NEK2: variants seen among roughly 807,000 people sequenced by gnomAD.
NEK2 encodes NIMA related kinase 2, also known as serine/threonine-protein kinase Nek2.
In NEK2, 28 loss-of-function variants were observed where a neutral mutation model predicts 54.1. The ratio of observed to expected loss-of-function variants is 0.52; its 90% CI spans 0.38 to 0.71. The LOEUF is 0.71. NEK2 is among the 30% of genes least tolerant of loss of function. The pLI is 0.00. For missense variants in NEK2, 407 were observed against 531.5 expected (o/e 0.77, Z 2.30); for synonymous variants, 176 against 193.1 (o/e 0.91, Z 0.73).
At chr1:211,671,445 T>G (rs1226759486) in intron 3 of NEK2, among the ~76,000 whole-genome samples, 161 bp from the exon 4 acceptor site, 1 of 152,248 alleles carries the variant, frequency 6.6e-6, no homozygotes, top group East Asian at 1.9e-4. Flanking sequence ...GGCAATGATC[T>G]TGTTCCAATA....
chr1:211,659,626 T>C (rs1050807075), downstream of NEK2, among the ~76,000 whole-genome samples: 2 of 152,228 alleles, frequency 1.3e-5, no homozygotes, highest in Non-Finnish European at 2.9e-5. Context: ...GTGTATTTTC[T>C]TATCCTACCA....
rs750802042 is a variant in NEK2, at chr1:211,669,126, T to C, written c.972A>G (p.Glu324=). 12 of 1,613,726 alleles carry C rather than the reference T, an allele frequency of 7.4e-6. No individual in the cohort carries two copies. Among genetic ancestry groups the C allele is most frequent in the Non-Finnish European group, 9.3e-6 (11 of 1,179,824 alleles). ...ATTCAGACTTACGCTCCAATCTTTC[T>C]TCTCTTGCTTTGAGAGCTCGCTCTC... The part of the protein sequence containing the change: ...QERERALKAR[E]ERLEQKEQEL... Residue 324 remains glutamate, a synonymous_variant, in exon 6 of 8, where the codon GAA becomes GAG. Transcript: ENST00000366999.
Position 211,663,154 on chromosome 1 carries a change from G to C in NEK2, c.*272C>G. 8.4e-7 allele frequency: 1 copy of C among 1,188,392 alleles called. No individual in the cohort carries two copies. Among genetic ancestry groups the C allele is most frequent in the Non-Finnish European group, 1.0e-6 (1 of 957,910 alleles). The allele number at this position is 1,188,392 out of a possible 1,614,324, so 73.6% of individuals were successfully genotyped here. The stretch of plus-strand genomic sequence containing the variant: ...CAAGATTTAGAATGTCACATCTCAT[G>C]TTCCTACTAGTAATCACACACAGGA... On this transcript the variant is annotated 3_prime_UTR_variant, in exon 8 of 8. Coordinates refer to ENST00000366999, the MANE Select transcript of NEK2 (RefSeq NM_002497.4).
At chr1:211,659,166 T>C (rs1245389969), downstream of NEK2, among the ~76,000 whole-genome samples, 1 of 148,266 alleles carries the variant, frequency 6.7e-6, no homozygotes, top group Non-Finnish European at 1.5e-5. Flanking sequence ...TTATATAGCA[T>C]AGCAAATTGT....
In NEK2 at chr1:211,675,302, GT is replaced by G; in HGVS notation, c.96+81del. On this transcript the variant is annotated intron_variant, in intron 1 of 7. Transcript: ENST00000366999. ...GGCACCCATTTCCTCAGCCCTGTCG[GT>G]TCCCTTCGGTGGCGCAGGGCGCTCG... The G allele has an allele frequency of 1.2e-5, 15 of 1,266,964 alleles. No individual in the cohort carries two copies. In the South Asian group the frequency reaches 1.9e-4, roughly 16 times the overall value. The allele number at this position is 1,266,964 out of a possible 1,614,324, so 78.5% of individuals were successfully genotyped here.
At chr1:211,661,624 C>T (rs906916755), downstream of NEK2, among the ~76,000 whole-genome samples, 1 of 152,144 alleles carries the variant, frequency 6.6e-6, no homozygotes, top group African/African-American at 2.4e-5. Flanking sequence ...TTGAAAGTGC[C>T]GTCCACTAGC....
downstream of NEK2, among the ~76,000 whole-genome samples, chr1:211,662,114 C>T (rs1200590201): frequency 3.3e-5 from 5 of 152,180 alleles, no homozygotes; most frequent in South Asian, 4.1e-4. This position sits in a 1 kb window ranked among gnomAD's most constrained non-coding sequence, Gnocchi z 4.2. Flanking sequence ...AACAAGTTCA[C>T]CCCTTATCAA....
rs1322163970 is a variant in NEK2, at chr1:211,670,499, T to G, written c.639-92A>C. The G allele has an allele frequency of 2.2e-6, 3 of 1,364,726 alleles. No individual in the cohort carries two copies. In the East Asian group the frequency reaches 6.9e-5, roughly 32 times the overall value. 84.5% of individuals were successfully genotyped at this position (1,364,726 alleles called of 1,614,324 possible). A position where few individuals can be genotyped will look rare whatever the true frequency, so the allele number is the denominator to read the frequency against. ...TAGGAACTAAATCAAAAGCACAGCT[T>G]AAGCTCCAGTTTGTATTTAAGTTTC... is the stretch of plus-strand genomic sequence containing the variant. On this transcript the variant is annotated intron_variant, in intron 4 of 7. Coordinates refer to ENST00000366999, the MANE Select transcript of NEK2 (RefSeq NM_002497.4).
At chr1:211,662,735 C>T (rs1655050793), downstream of NEK2, 37 of 953,156 alleles carry the variant, frequency 3.9e-5, no homozygotes, top group Non-Finnish European at 4.6e-5. The surrounding 1 kb of genome is among the most constrained non-coding windows in gnomAD (Gnocchi z 4.2). Context: ...ACACAACTCC[C>T]ATCAACTAAG....
downstream of NEK2, chr1:211,660,957 G>A (rs192368948): frequency 5.4e-6 from 4 of 746,814 alleles, no homozygotes; most frequent in African/African-American, 6.9e-5. Context: ...CTACCACGAG[G>A]AAGAAAGCTT....
At chr1:211,670,005 G>A (rs534086045) in intron 5 of NEK2, among the ~76,000 whole-genome samples, 24 of 152,256 alleles carry the variant, frequency 1.6e-4, no homozygotes, top group African/African-American at 5.5e-4. Context: ...CAAGGGGAAC[G>A]AGAATTTGAA....
intron 3 of NEK2, among the ~76,000 whole-genome samples, chr1:211,672,369 C>T (rs1036010685): frequency 2.0e-5 from 3 of 152,118 alleles, no homozygotes; most frequent in African/African-American, 7.2e-5. Context: ...CAAAGATATG[C>T]AGAGCAGTAC....
At chr1:211,660,085 C>T (rs978033140), downstream of NEK2, 1 of 171,978 alleles carries the variant, frequency 5.8e-6, no homozygotes, top group African/African-American at 2.4e-5. Flanking sequence ...GGCCACCACG[C>T]CCAGCTGGAA....
Position 211,671,272 on chromosome 1 carries a change from G to T in NEK2, c.568C>A (p.Arg190Ser). ...PYYMSPEQMN[R>S]MSYNEKSDIW... ...TCTGATTTCTCATTGTAGGACATGC[G>T]ATTCATTTGTTCCTATACAGGGAAA... Residue 190 changes from arginine (R) to serine (S), a missense_variant, in exon 4 of 8, where the codon CGC (arginine) becomes AGC (serine). Transcript: ENST00000366999. The T allele has an allele frequency of 6.2e-7, 1 of 1,612,848 alleles. No individual in the cohort carries two copies. The highest frequency in any genetic ancestry group is 1.1e-5 in the South Asian group (1 of 91,038).
chr1:211,662,673 A>G, downstream of NEK2: 1 of 527,556 alleles, frequency 1.9e-6, no homozygotes, highest in African/African-American at 2.1e-5. The surrounding 1 kb of genome is among the most constrained non-coding windows in gnomAD (Gnocchi z 4.2). Context: ...TCCCTTGAGC[A>G]TCAGATCCAT....
At chr1:211,658,754 G>GAAAAA (rs146064437), downstream of NEK2, 5 of 164,040 alleles carry the variant, frequency 3.0e-5, no homozygotes, top group African/African-American at 6.5e-5. Flanking sequence ...AAAAAGGAAA[G>GAAAAA]AAAAAAAAAG....
downstream of NEK2, among the ~76,000 whole-genome samples, chr1:211,659,077 T>C (rs75396553): frequency 6.6e-6 from 1 of 151,974 alleles, no homozygotes; most frequent in Non-Finnish European, 1.5e-5. Flanking sequence ...TTTCATGGAG[T>C]CAAATTTGCA....
At chr1:211,661,155 A>G, downstream of NEK2, 1 of 741,720 alleles carries the variant, frequency 1.3e-6, no homozygotes, top group Non-Finnish European at 2.5e-6. Flanking sequence ...TGGGTGCCCC[A>G]TCTCATCCTC....
chr1:211,660,353 TCTC>T, downstream of NEK2: 1 of 558,842 alleles, frequency 1.8e-6, no homozygotes, highest in African/African-American at 1.9e-5. Context: ...TATAGTGCCT[TCTC>T]CTGGACCACC....
Sources: allele counts gnomAD v4.1 joint callset (sites outside exome capture counted in the v4.1 genomes callset), GRCh38; gene constraint gnomAD v4.1.1; non-coding constraint Gnocchi (gnomAD v3.1); transcripts MANE v1.5; gene names NCBI Gene and HGNC (gene_info 2026-07-23, HGNC 2026-07-21).